ZNF407: variants seen among roughly 807,000 people sequenced by gnomAD.
The protein encoded by ZNF407 is zinc finger protein 407.
In ZNF407, 17 loss-of-function variants were observed where a neutral mutation model predicts 131.2. The ratio of observed to expected loss-of-function variants is 0.13; its 90% CI spans 0.09 to 0.19. The LOEUF (loss-of-function observed/expected upper bound fraction) is 0.19. Among genes scored for constraint, ZNF407 ranks in the 10% least tolerant of loss-of-function variants. The pLI is 1.00. For missense variants in ZNF407, 2,681 were observed against 2,830.6 expected (o/e 0.95, Z 1.20); for synonymous variants, 1,156 against 1,062.0 (o/e 1.09, Z -1.72).
intron 4 of ZNF407, among the ~76,000 whole-genome samples, chr18:74,792,475 G>A (rs1354976838): frequency 6.7e-6 from 1 of 148,740 alleles, no homozygotes; most frequent in Non-Finnish European, 1.5e-5. Flanking sequence ...TTGGCAACTA[G>A]ATAGTGGCAG....
At chr18:74,752,332 C>A (rs1232755657) in intron 3 of ZNF407, among the ~76,000 whole-genome samples, 3 of 152,154 alleles carry the variant, frequency 2.0e-5, no homozygotes, top group African/African-American at 7.2e-5. Flanking sequence ...GTTGCCTGTT[C>A]ACTCTGGTGG....
Position 74,876,354 on chromosome 18 carries a change from AG to A in ZNF407, c.4878-840del, listed in dbSNP as rs1971155788. 2.0e-5 allele frequency among the ~76,000 whole-genome samples: 3 copies of A among 152,202 alleles called. No individual in the cohort carries two copies. The South Asian group carries it at 6.2e-4, about 32-fold the overall frequency. On this transcript the variant is annotated intron_variant, in intron 4 of 8. Transcript: ENST00000299687. ...AACTGGAGAGTATTTTATTAGTTAC[AG>A]GGATTGTTTTAAACTCATATTGGAA...
intron 3 of ZNF407, among the ~76,000 whole-genome samples, chr18:74,762,868 C>T (rs1219034374): frequency 6.6e-6 from 1 of 151,908 alleles, no homozygotes; most frequent in Admixed American, 6.6e-5. Flanking sequence ...AATTATTTCT[C>T]TTTTTTGGAT....
intron 4 of ZNF407, among the ~76,000 whole-genome samples, chr18:74,872,151 G>GC (rs1361573762): frequency 9.7e-6 from 1 of 103,230 alleles, no homozygotes. Flanking sequence ...CGTCAGCCCC[G>GC]CCCCCCTCCT....
At chr18:74,704,984 T>G (rs1232793606) in intron 3 of ZNF407, among the ~76,000 whole-genome samples, 1 of 152,206 alleles carries the variant, frequency 6.6e-6, no homozygotes, top group Non-Finnish European at 1.5e-5. Context: ...GTATTAGGAT[T>G]AGAAGAGTGA....
chr18:74,786,798 T>TTG (rs1969725025), intron 4 of ZNF407, among the ~76,000 whole-genome samples: 2 of 103,588 alleles, frequency 1.9e-5, no homozygotes, highest in African/African-American at 9.8e-5. Context: ...AGTATGTTTT[T>TTG]TTTTTTTTTT....
intron 8 of ZNF407, among the ~76,000 whole-genome samples, chr18:74,977,816 C>T (rs1972545183): frequency 6.6e-6 from 1 of 152,234 alleles, no homozygotes; most frequent in Non-Finnish European, 1.5e-5. Flanking sequence ...TTGCCGACTA[C>T]TTCTGGATCC....
At position 74,634,183 on chromosome 18, in the gene ZNF407, C is replaced by T. The variant is rs1364324857; in HGVS notation, c.3164C>T (p.Ala1055Val). The stretch of plus-strand genomic sequence containing the variant: ...TATTGCATGGCATGCGATTACTACG[C>T]GGTGACTCGTCGCGAGATGACCAGG... ...EFYCMACDYYAVTRREMTRHA... is the reference protein window; with the variant it reads ...EFYCMACDYYVVTRREMTRHA... The change falls in exon 2 of 9, where the codon GCG becomes GTG. Residue 1055 changes from alanine to valine, a missense_variant. Ala to Val is a moderately conservative substitution (Grantham distance 64). Around this residue, in one of 6 missense-constraint regions of ZNF407, gnomAD observed 1,789 missense variants for 1,748.7 expected, o/e 1.02. Coordinates refer to ENST00000299687, the MANE Select transcript of ZNF407 (RefSeq NM_017757.3). 18 of 1,613,892 alleles carry T rather than the reference C, an allele frequency of 1.1e-5. No individual in the cohort carries two copies. The highest frequency in any genetic ancestry group is 2.2e-5 in the East Asian group (1 of 44,888).
At chr18:74,849,172 G>T (rs575027993) in intron 4 of ZNF407, among the ~76,000 whole-genome samples, 1 of 150,524 alleles carries the variant, frequency 6.6e-6, no homozygotes, top group Non-Finnish European at 1.5e-5. Context: ...TCCGCCTCCC[G>T]GTTTCAAGCA....
Position 74,792,897 on chromosome 18 carries a change from G to A in ZNF407, c.4877+11395G>A, listed in dbSNP as rs574252529. The stretch of plus-strand genomic sequence containing the variant: ...GTCAATTGTGGAGCAGTTTCTCCAC[G>A]TCTTACAGAATCTATGAGGCACTTC... On this transcript the variant is annotated intron_variant, in intron 4 of 8. Transcript: ENST00000299687. 3.0e-4 allele frequency among the ~76,000 whole-genome samples: 45 copies of A among 152,286 alleles called. 1 individual carries two copies. The highest frequency in any genetic ancestry group is 9.9e-4 in the African/African-American group (41 of 41,558).
chr18:74,885,439 A>G (rs1042647027), intron 6 of ZNF407, among the ~76,000 whole-genome samples: 1 of 152,206 alleles, frequency 6.6e-6, no homozygotes, highest in East Asian at 1.9e-4. Flanking sequence ...ACATCGATCA[A>G]TCCAAATCCC....
At chr18:74,794,081 C>G (rs1008046825) in intron 4 of ZNF407, among the ~76,000 whole-genome samples, 5 of 152,198 alleles carry the variant, frequency 3.3e-5, no homozygotes, top group African/African-American at 1.2e-4. Flanking sequence ...AGAACTTTCT[C>G]TCCGAAGCCT....
At chr18:75,016,447 A>G (rs565064730) in intron 8 of ZNF407, among the ~76,000 whole-genome samples, 1 of 152,152 alleles carries the variant, frequency 6.6e-6, no homozygotes, top group African/African-American at 2.4e-5. Context: ...TTATTGCTAT[A>G]TAATGAGCGT....
At chr18:74,761,355 C>T (rs535030612) in intron 3 of ZNF407, among the ~76,000 whole-genome samples, 56 of 152,010 alleles carry the variant, frequency 3.7e-4, no homozygotes, top group African/African-American at 1.2e-3. Flanking sequence ...GTGCATATTT[C>T]TATGCATTTT....
At chr18:74,701,764 T>C (rs763245684) in intron 3 of ZNF407, among the ~76,000 whole-genome samples, 5 of 152,178 alleles carry the variant, frequency 3.3e-5, no homozygotes, top group African/African-American at 1.2e-4. Context: ...TTCTTGGCCT[T>C]TGAACTGTTA....
At chr18:74,669,889 C>T (rs998625274) in intron 3 of ZNF407, among the ~76,000 whole-genome samples, 4 of 152,160 alleles carry the variant, frequency 2.6e-5, no homozygotes, top group African/African-American at 9.7e-5. Context: ...TTTTGAGGCT[C>T]AAACACAGTT....
intron 8 of ZNF407, among the ~76,000 whole-genome samples, chr18:75,018,209 A>G (rs1451891594): frequency 1.3e-5 from 2 of 152,070 alleles, no homozygotes; most frequent in Non-Finnish European, 2.9e-5. Context: ...CTTTAAAGGA[A>G]AATTTCTAAG....
In ZNF407 at chr18:74,865,647, TG is replaced by T. The variant is rs1372742394; in HGVS notation, c.4878-11549del. On this transcript the variant is annotated intron_variant, in intron 4 of 8. Transcript: ENST00000299687. ...GCAGGTATTGAAAAATTAGTATAAA[TG>T]ATCTATATCCAGTATTTATTGATGT... Among the ~76,000 whole-genome samples, 5 of 152,346 alleles carry T rather than the reference TG, an allele frequency of 3.3e-5. 1 individual carries two copies. The South Asian group carries it at 1.0e-3, about 32-fold the overall frequency.
intron 8 of ZNF407, among the ~76,000 whole-genome samples, chr18:74,976,407 G>C (rs916968280): frequency 2.6e-5 from 4 of 152,164 alleles, no homozygotes; most frequent in Admixed American, 1.3e-4. Context: ...TGCAAGGCGA[G>C]GGTTTCTCTG....
Sources: gnomAD v4.1 joint callset for allele counts (sites outside exome capture counted in the v4.1 genomes callset) on GRCh38, gnomAD v4.1.1 for gene constraint, gnomAD v4.1.1 regional missense constraint, MANE v1.5 for transcripts, NCBI Gene and HGNC (gene_info 2026-07-23, HGNC 2026-07-21) for gene names.